Variants in ANKRD30B observed in about 807,000 individuals in gnomAD.
ANKRD30B encodes ankyrin repeat domain 30B.
ANKRD30B carries 144 observed loss-of-function variants against 202.2 expected under a neutral mutation model. That is an observed-to-expected ratio of 0.71 (90% CI 0.62 to 0.82). The LOEUF (loss-of-function observed/expected upper bound fraction) is 0.82. Among genes scored for constraint, ANKRD30B ranks in the 40% least tolerant of loss-of-function variants. The pLI is 0.00. For synonymous variants in ANKRD30B, 508 were observed against 561.3 expected (o/e 0.91, Z 1.34); for missense variants, 1,487 against 1,669.1 (o/e 0.89, Z 1.90).
chr18:14,772,032 G>T (rs1967033272), intron 8 of ANKRD30B, 124 bp from the exon 9 acceptor site: 1 of 491,112 alleles, frequency 2.0e-6, no homozygotes, highest in Non-Finnish European at 3.6e-6. Flanking sequence ...ACAGAGGACT[G>T]GTCTTTCCCC....
intron 34 of ANKRD30B, 22 bp from the exon 35 acceptor site, chr18:14,837,189 T>G: frequency 6.7e-7 from 1 of 1,497,456 alleles, no homozygotes; most frequent in Non-Finnish European, 9.0e-7. Flanking sequence ...TGTGTTTGCT[T>G]TCTGTGTTTT....
intron 16 of ANKRD30B, among the ~76,000 whole-genome samples, chr18:14,795,084 A>C (rs1968784394): frequency 6.6e-6 from 1 of 152,258 alleles, no homozygotes; most frequent in African/African-American, 2.4e-5. Context: ...TCATTCCTTG[A>C]ACAATAAAAC....
intron 6 of ANKRD30B, among the ~76,000 whole-genome samples, chr18:14,763,484 G>C (rs1256732094): frequency 2.0e-5 from 3 of 152,034 alleles, no homozygotes; most frequent in Non-Finnish European, 4.4e-5. Flanking sequence ...AGAATCGCTT[G>C]AATTGCATTG....
chr18:14,837,682 G>T lies in ANKRD30B; in HGVS notation c.2988+6G>T. On this transcript the variant is annotated splice_donor_region_variant and intron_variant, in intron 36 of 43. Transcript: ENST00000690538. ...AATCAACTTCAGATTCTGAGGTACTGTGTATTGTTGTTGTTGTTATTTTAA... is the reference window on the plus strand; with the variant it reads ...AATCAACTTCAGATTCTGAGGTACTTTGTATTGTTGTTGTTGTTATTTTAA... 6.5e-7 allele frequency: 1 copy of T among 1,532,928 alleles called. No homozygotes were observed. Among genetic ancestry groups the T allele is most frequent in the Non-Finnish European group, 8.7e-7 (1 of 1,143,634 alleles). 95.0% of individuals were successfully genotyped at this position (1,532,928 alleles called of 1,614,324 possible). A position where few individuals can be genotyped will look rare whatever the true frequency, so the allele number is the denominator to read the frequency against.
intron 34 of ANKRD30B, among the ~76,000 whole-genome samples, chr18:14,831,708 C>T (rs1041582236): frequency 2.6e-5 from 4 of 151,668 alleles, no homozygotes; most frequent in African/African-American, 7.3e-5. Context: ...GGGCCAAAAA[C>T]CGGAATGGGC....
chr18:14,888,636 T>G, the ANKRD30B span: 22 of 410,550 alleles, frequency 5.4e-5, no homozygotes, highest in Non-Finnish European at 9.3e-5. Flanking sequence ...AAAGAAAATT[T>G]TGAGAAGAAA....
intron 20 of ANKRD30B, among the ~76,000 whole-genome samples, 168 bp downstream of exon 20, chr18:14,798,022 G>A (rs868051677): frequency 6.6e-6 from 1 of 152,126 alleles, no homozygotes; most frequent in African/African-American, 2.4e-5. Context: ...TCATTTAGAA[G>A]CATAAGATTT....
intron 34 of ANKRD30B, among the ~76,000 whole-genome samples, chr18:14,835,972 A>G (rs917300320): frequency 1.3e-5 from 2 of 151,988 alleles, no homozygotes; most frequent in Non-Finnish European, 2.9e-5. Flanking sequence ...ATTTACCTAT[A>G]TAAATAAAAT....
chr18:14,878,357 T>C, the ANKRD30B span, among the ~76,000 whole-genome samples: 1 of 139,918 alleles, frequency 7.1e-6, no homozygotes, highest in Admixed American at 7.6e-5. Context: ...CTAGAAACTT[T>C]GTTTTGCAAA....
At chr18:14,830,584 G>A (rs1245485250) in intron 33 of ANKRD30B, among the ~76,000 whole-genome samples, 1 of 152,120 alleles carries the variant, frequency 6.6e-6, no homozygotes, top group Non-Finnish European at 1.5e-5. Flanking sequence ...AACAAAGAAT[G>A]TCATTTTCCA....
chr18:14,873,524 C>CA, the ANKRD30B span, among the ~76,000 whole-genome samples: 1,410 of 90,420 alleles, frequency 0.016, 22 homozygotes, highest in Admixed American at 0.032. Context: ...GACTCCGTTT[C>CA]AAAAAAAAAA....
chr18:14,777,299 T>A (rs62086411), intron 9 of ANKRD30B, among the ~76,000 whole-genome samples: 4 of 69,332 alleles, frequency 5.8e-5, no homozygotes, highest in East Asian at 5.2e-4. Context: ...AAGTTTTAAT[T>A]ATTTTTTTTT....
chr18:14,824,122 TTA>T (rs1197438155), intron 32 of ANKRD30B, among the ~76,000 whole-genome samples: 2 of 133,624 alleles, frequency 1.5e-5, no homozygotes, highest in Non-Finnish European at 3.3e-5. Flanking sequence ...TTTTTTTTAC[TTA>T]TCTTATATTT....
chr18:14,855,894 G>C (rs1447640054), downstream of ANKRD30B, among the ~76,000 whole-genome samples: 4 of 151,220 alleles, frequency 2.6e-5, no homozygotes, highest in African/African-American at 9.7e-5. Flanking sequence ...TCCCAGACGG[G>C]GCGGCTGGGC....
intron 32 of ANKRD30B, among the ~76,000 whole-genome samples, chr18:14,826,086 C>A (rs1296889801): frequency 6.6e-6 from 1 of 151,924 alleles, no homozygotes; most frequent in Non-Finnish European, 1.5e-5. Context: ...GGAGATAGAA[C>A]TCTGGTTGGA....
chr18:14,831,202 G>GAAAAAAAAAAAAAAAAAAAAAA (rs1434127361), intron 33 of ANKRD30B, among the ~76,000 whole-genome samples, 181 bp from the exon 34 acceptor site: 1 of 76,926 alleles, frequency 1.3e-5, no homozygotes, highest in African/African-American at 5.4e-5. Context: ...AAAAAAAAAC[G>GAAAAAAAAAAAAAAAAAAAAAA]AAAACCAGAT....
At chr18:14,809,775 A>G (rs1969800102) in intron 26 of ANKRD30B, among the ~76,000 whole-genome samples, 1 of 151,100 alleles carries the variant, frequency 6.6e-6, no homozygotes, top group Admixed American at 6.6e-5. Flanking sequence ...AATCAGGAGC[A>G]TTGCATCTTT....
intron 34 of ANKRD30B, among the ~76,000 whole-genome samples, chr18:14,834,624 C>T (rs1281179038): frequency 1.1e-4 from 16 of 151,618 alleles, no homozygotes; most frequent in South Asian, 2.1e-4. Context: ...AATATAAGGA[C>T]GAGTATAGGT....
chr18:14,872,587 C>T, the ANKRD30B span, among the ~76,000 whole-genome samples: 2 of 152,194 alleles, frequency 1.3e-5, no homozygotes, highest in Admixed American at 1.3e-4. Flanking sequence ...CTGCTTGGTT[C>T]TCTTTTCTGG....
Sources: gnomAD v4.1 joint callset for allele counts (sites outside exome capture counted in the v4.1 genomes callset) on GRCh38, gnomAD v4.1.1 for gene constraint, MANE v1.5 for transcripts, NCBI Gene and HGNC (gene_info 2026-07-23, HGNC 2026-07-21) for gene names.